The following SDK1 variants were observed in gnomAD, a reference collection of about 807,000 sequenced individuals.
The protein encoded by SDK1 is sidekick cell adhesion molecule 1.
In SDK1, 157 loss-of-function variants were observed where a neutral mutation model predicts 245.5. The observed-to-expected ratio is 0.64, with a 90% CI of 0.56 to 0.73. SDK1 has a LOEUF of 0.73. Among genes scored for constraint, SDK1 ranks in the 30% least tolerant of loss-of-function variants. SDK1 has a pLI of 0.00. For synonymous variants in SDK1, 1,647 were observed against 1,278.5 expected (o/e 1.29, Z -6.15); for missense variants, 3,583 against 3,002.3 (o/e 1.19, Z -4.52).
At chr7:3,415,371 G>T (rs1317923774) in intron 1 of SDK1, among the ~76,000 whole-genome samples, 2 of 152,104 alleles carry the variant, frequency 1.3e-5, no homozygotes, top group African/African-American at 4.8e-5. Context: ...TATGTGTGTA[G>T]AGAAGTGTGT....
intron 1 of SDK1, among the ~76,000 whole-genome samples, chr7:3,400,068 A>G (rs1440011925): frequency 9.2e-5 from 14 of 152,222 alleles, no homozygotes; most frequent in Middle Eastern, 6.8e-3. Context: ...TCAGACAGTG[A>G]CAGTGCTCCA....
rs1407183826 is a variant in SDK1, at chr7:4,265,129, G to A, written c.6387G>A (p.Thr2129=). 6.2e-7 allele frequency: 1 copy of A among 1,611,332 alleles called. No individual in the cohort carries two copies. The highest frequency in any genetic ancestry group is 1.7e-5 in the Admixed American group (1 of 59,942). Residue 2129 remains threonine (T), a synonymous_variant, in exon 45 of 45, where the codon ACG becomes ACA. Coordinates refer to ENST00000404826, the MANE Select transcript of SDK1 (RefSeq NM_152744.4). ...KSADASESEA[T]DSDYEDALPK... ...TTCTCTCCCGCTCCCCGCAGGCCAC[G>A]GACTCTGACTACGAGGACGCGCTGC...
At chr7:3,913,442 C>T (rs376305649) in intron 5 of SDK1, among the ~76,000 whole-genome samples, 3 of 152,154 alleles carry the variant, frequency 2.0e-5, no homozygotes, top group South Asian at 2.1e-4. Context: ...TACAGGCGCT[C>T]GCCACAACGC....
chr7:4,145,813 C>A lies in SDK1; in HGVS notation c.4320C>A (p.Thr1440=), dbSNP rs144362596. 8 of 1,613,762 alleles carry A rather than the reference C, an allele frequency of 5.0e-6. No individual in the cohort carries two copies. Among genetic ancestry groups the A allele is most frequent in the Middle Eastern group, 1.6e-4 (1 of 6,080 alleles). Reference sequence around the variant, plus strand: ...CCACAGTGAGGCAGTTCACAGCCACCGACCTGGCCCCGGAGTCCGCATACA... The same window carrying A: ...CCACAGTGAGGCAGTTCACAGCCACAGACCTGGCCCCGGAGTCCGCATACA... ...VGATVRQFTA[T]DLAPESAYIF... Residue 1440 remains threonine (T), a synonymous_variant, in exon 29 of 45, where the codon ACC becomes ACA. Transcript: ENST00000404826.
chr7:3,966,900 G>C (rs1474654178), intron 9 of SDK1, among the ~76,000 whole-genome samples: 1 of 152,012 alleles, frequency 6.6e-6, no homozygotes, highest in Non-Finnish European at 1.5e-5. Context: ...TGCCCAGGCT[G>C]GTCTCAAACT....
chr7:3,492,456 C>T (rs551199283), intron 1 of SDK1, among the ~76,000 whole-genome samples: 4 of 152,276 alleles, frequency 2.6e-5, no homozygotes, highest in African/African-American at 9.6e-5. Flanking sequence ...ATCACGCCAC[C>T]ACACTCCAAC....
At chr7:3,405,814 C>G (rs1026402327) in intron 1 of SDK1, among the ~76,000 whole-genome samples, 1 of 125,392 alleles carries the variant, frequency 8.0e-6, no homozygotes, top group South Asian at 2.6e-4. Flanking sequence ...TTCTTTCTTT[C>G]TTTTTTTTTT....
chr7:3,571,598 C>G (rs554866775), intron 1 of SDK1, among the ~76,000 whole-genome samples: 42 of 152,116 alleles, frequency 2.8e-4, no homozygotes, highest in Non-Finnish European at 5.1e-4. Context: ...GCCACGACAT[C>G]TGGCCTGAAA....
intron 5 of SDK1, among the ~76,000 whole-genome samples, chr7:3,881,967 C>G (rs1038568418): frequency 1.3e-5 from 2 of 152,020 alleles, no homozygotes; most frequent in Admixed American, 6.6e-5. Context: ...ATACCTGAGA[C>G]TGGGTAATTT....
At chr7:3,576,982 G>T (rs189529516) in intron 1 of SDK1, among the ~76,000 whole-genome samples, 1 of 151,856 alleles carries the variant, frequency 6.6e-6, no homozygotes, top group African/African-American at 2.4e-5. Flanking sequence ...ACTTCACCAC[G>T]GTGGATGGAC....
chr7:3,678,377 T>C (rs1252600259), intron 4 of SDK1, among the ~76,000 whole-genome samples: 2 of 152,212 alleles, frequency 1.3e-5, no homozygotes, highest in Non-Finnish European at 2.9e-5. Context: ...TAAGTGTCCA[T>C]CAGCAGATGA....
At chr7:4,039,140 C>T (rs1022314778) in intron 17 of SDK1, among the ~76,000 whole-genome samples, 7 of 136,492 alleles carry the variant, frequency 5.1e-5, no homozygotes, top group Middle Eastern at 3.8e-3. Flanking sequence ...CATCACACAC[C>T]GGGGCCTGTT....
At chr7:3,785,065 A>T (rs1780857490) in intron 4 of SDK1, among the ~76,000 whole-genome samples, 1 of 152,228 alleles carries the variant, frequency 6.6e-6, no homozygotes, top group South Asian at 2.1e-4. Context: ...GCATGGATGG[A>T]ATCAGAGAGC....
At chr7:3,529,045 T>C (rs906895925) in intron 1 of SDK1, among the ~76,000 whole-genome samples, 15 of 151,968 alleles carry the variant, frequency 9.9e-5, no homozygotes, top group East Asian at 1.9e-4. Flanking sequence ...AATAAGTAAA[T>C]ATATTGAGGG....
rs2128246903 is a variant in SDK1 at position 4,268,151 on chromosome 7, T to C, written c.*2767T>C. ...AAAGTCATGCCTTGCGGATGCCTCA[T>C]GACAGCAGTGGCTGAGTCTCCCCAC... On this transcript the variant is annotated 3_prime_UTR_variant, in exon 45 of 45. Transcript: ENST00000404826. The C allele has an allele frequency of 7.1e-6, 7 of 986,974 alleles. No homozygotes were observed. The highest frequency in any genetic ancestry group is 7.2e-6 in the Non-Finnish European group (6 of 830,926). The allele number at this position is 986,974 out of a possible 1,614,324, so 61.1% of individuals were successfully genotyped here.
At position 3,764,087 on chromosome 7, in the gene SDK1, A is replaced by C. The variant is rs745855268; in HGVS notation, c.714-57363A>C. On this transcript the variant is annotated intron_variant, in intron 4 of 44. Transcript: ENST00000404826. Reference sequence around the variant, plus strand: ...AACCCTTCAGGGGACCCTGGGGGTCAAAGCTATGAGTAGTATTGTTATAAT... The same window carrying C: ...AACCCTTCAGGGGACCCTGGGGGTCCAAGCTATGAGTAGTATTGTTATAAT... Among the ~76,000 whole-genome samples the C allele has an allele frequency of 3.9e-5, 6 of 152,226 alleles. 1 individual carries two copies. The highest frequency in any genetic ancestry group is 8.8e-5 in the Non-Finnish European group (6 of 68,034).
In SDK1 at chr7:3,588,500, GGTGTGA is replaced by G. The variant is rs906819946; in HGVS notation, c.299-30578_299-30573del. Among the ~76,000 whole-genome samples, 20 of 152,286 alleles carry G rather than the reference GGTGTGA, an allele frequency of 1.3e-4. No homozygotes were observed. The East Asian group carries it at 3.7e-3, about 28-fold the overall frequency. ...GAAGTGTTTAGTTTTTCTTCTGTGA[GGTGTGA>G]GAGGATGTTGAATGTGCTGGACAGG... is the stretch of plus-strand genomic sequence containing the variant. On this transcript the variant is annotated intron_variant, in intron 1 of 44. Coordinates refer to ENST00000404826, the MANE Select transcript of SDK1 (RefSeq NM_152744.4).
Position 4,176,876 on chromosome 7 carries a change from G to A in SDK1, c.4996+1042G>A, listed in dbSNP as rs7792999. Among the ~76,000 whole-genome samples, 780 of 152,286 alleles carry A rather than the reference G, an allele frequency of 5.1e-3. 7 individuals are homozygous for A. Among genetic ancestry groups the A allele is most frequent in the African/African-American group, 0.018 (737 of 41,570 alleles). ...AGACCACGTTTTGTTTCTCCACTCA[G>A]CCTCCCTTCACCCTTTCAATAAACC... On this transcript the variant is annotated intron_variant, in intron 34 of 44. Coordinates refer to ENST00000404826, the MANE Select transcript of SDK1 (RefSeq NM_152744.4).
chr7:3,514,898 T>A (rs1343436798), intron 1 of SDK1, among the ~76,000 whole-genome samples: 1 of 152,208 alleles, frequency 6.6e-6, no homozygotes, highest in Middle Eastern at 3.2e-3. Flanking sequence ...TCTCTCTTTC[T>A]CTCTTTCACT....
Sources: allele counts gnomAD v4.1 joint callset (sites outside exome capture counted in the v4.1 genomes callset), GRCh38; gene constraint gnomAD v4.1.1; transcripts MANE v1.5; gene names NCBI Gene and HGNC (gene_info 2026-07-23, HGNC 2026-07-21).